NRG1: variants seen among roughly 807,000 people sequenced by gnomAD.
NRG1 encodes pro-neuregulin-1, membrane-bound isoform.
NRG1 carries 18 observed loss-of-function variants against 63.8 expected under a neutral mutation model. The observed-to-expected ratio is 0.28, with a 90% CI of 0.19 to 0.42. The LOEUF is 0.42. Among genes scored for constraint, NRG1 ranks in the 10% least tolerant of loss-of-function variants. NRG1 has a pLI of 1.00. For synonymous variants in NRG1, 302 were observed against 301.3 expected (o/e 1.00, Z -0.02); for missense variants, 762 against 814.7 (o/e 0.94, Z 0.79).
chr8:31,884,416 G>T (rs1830569371), intron 1 of NRG1, among the ~76,000 whole-genome samples: 1 of 152,090 alleles, frequency 6.6e-6, no homozygotes, highest in Non-Finnish European at 1.5e-5. Flanking sequence ...GCAGGCCTCA[G>T]AGGGGTCAAC....
chr8:32,675,138 T>TA (rs1806730940), intron 5 of NRG1, among the ~76,000 whole-genome samples: 1 of 152,166 alleles, frequency 6.6e-6, no homozygotes. Flanking sequence ...TTACTGGCCA[T>TA]AAAAAGAGCA....
intron 5 of NRG1, among the ~76,000 whole-genome samples, chr8:32,724,733 T>C (rs3757928): frequency 0.081 from 12,294 of 152,206 alleles, 1,035 homozygotes; most frequent in East Asian, 0.28. Context: ...TGGGAGCTCA[T>C]TGTTGCCTTA....
intron 1 of NRG1, among the ~76,000 whole-genome samples, chr8:32,591,853 T>G (rs2129536486): frequency 6.6e-6 from 1 of 152,208 alleles, no homozygotes; most frequent in Non-Finnish European, 1.5e-5. Flanking sequence ...TGCTTATTAC[T>G]TGGACGATGA....
rs373916461 is a variant in NRG1, at chr8:31,737,711, C to T, written c.37+98280C>T. Among the ~76,000 whole-genome samples, 30 of 152,248 alleles carry T rather than the reference C, an allele frequency of 2.0e-4. No individual in the cohort carries two copies. The East Asian group carries it at 2.1e-3, about 11-fold the overall frequency. On this transcript the variant is annotated intron_variant, in intron 1 of 10. Transcript: ENST00000519301. ...AACTTGGATGGGAGCAGGCTGTATG[C>T]TTTAGGTCAATTAGACCACCTTCTC...
rs183294600 is a variant in NRG1, at chr8:32,568,978, T to C, written c.100+20152T>C. Among the ~76,000 whole-genome samples the C allele has an allele frequency of 5.3e-3, 804 of 150,892 alleles. 1 individual carries two copies. The highest frequency in any genetic ancestry group is 0.01 in the Middle Eastern group (3 of 290). On this transcript the variant is annotated intron_variant, in intron 1 of 11. Coordinates refer to ENST00000356819, the Ensembl canonical transcript of NRG1. ...CTTGAAATGGAAAAAAAAAAAAAAG[T>C]TTTTCAGACTACCCTGTGGAAGTAG...
At chr8:32,343,228 T>A (rs1166358521) in intron 1 of NRG1, among the ~76,000 whole-genome samples, 1 of 152,206 alleles carries the variant, frequency 6.6e-6, no homozygotes, top group Non-Finnish European at 1.5e-5. Flanking sequence ...ATGTACATAA[T>A]TAATATTTGG....
chr8:32,243,374 G>A (rs1380533681), intron 1 of NRG1, among the ~76,000 whole-genome samples: 1 of 151,024 alleles, frequency 6.6e-6, no homozygotes, highest in African/African-American at 2.4e-5. Context: ...ACGTTGCAGT[G>A]AGCTGAGATC....
chr8:32,700,227 T>C (rs1814488414), intron 5 of NRG1, among the ~76,000 whole-genome samples: 1 of 152,154 alleles, frequency 6.6e-6, no homozygotes, highest in Non-Finnish European at 1.5e-5. Flanking sequence ...TATATATTGG[T>C]ATATATAATT....
chr8:32,588,275 T>A (rs1300187706), intron 1 of NRG1, among the ~76,000 whole-genome samples: 1 of 152,148 alleles, frequency 6.6e-6, no homozygotes, highest in Non-Finnish European at 1.5e-5. Context: ...AGATGGAGAA[T>A]CTGATTAATC....
intron 5 of NRG1, chr8:32,647,907 G>A: frequency 6.2e-7 from 1 of 1,614,142 alleles, no homozygotes; most frequent in Non-Finnish European, 8.5e-7. Flanking sequence ...GTGCCTAGAA[G>A]CTGAGCGCCT....
chr8:31,950,640 G>A (rs1803325325), intron 1 of NRG1, among the ~76,000 whole-genome samples: 1 of 152,190 alleles, frequency 6.6e-6, no homozygotes, highest in African/African-American at 2.4e-5. Context: ...GAGGTTTAAG[G>A]CTTTGTTTTT....
intron 1 of NRG1, among the ~76,000 whole-genome samples, chr8:32,250,634 A>T (rs1849004050): frequency 6.6e-6 from 1 of 152,146 alleles, no homozygotes; most frequent in Non-Finnish European, 1.5e-5. Flanking sequence ...CCACTGGAAA[A>T]TCTTTTAAAA....
chr8:32,206,384 A>G (rs1270083215), intron 1 of NRG1, among the ~76,000 whole-genome samples: 1 of 152,192 alleles, frequency 6.6e-6, no homozygotes, highest in African/African-American at 2.4e-5. Flanking sequence ...TGTTGGATTA[A>G]AAGGAAAGGA....
At chr8:31,755,494 C>A (rs1440245245) in intron 1 of NRG1, among the ~76,000 whole-genome samples, 1 of 152,088 alleles carries the variant, frequency 6.6e-6, no homozygotes, top group Non-Finnish European at 1.5e-5. Flanking sequence ...GTTTGAGTGA[C>A]TAGCAAGTGT....
chr8:32,312,440 G>C (rs1487485243), intron 1 of NRG1, among the ~76,000 whole-genome samples: 1 of 148,568 alleles, frequency 6.7e-6, no homozygotes, highest in Non-Finnish European at 1.5e-5. Context: ...CTCCCAAAGT[G>C]CTGGGATTAC....
chr8:32,760,842 C>G, intron 11 of NRG1: 2 of 1,005,792 alleles, frequency 2.0e-6, no homozygotes, highest in Non-Finnish European at 2.4e-6. Flanking sequence ...ATCTGCTAAC[C>G]CTGTCTTACC....
At chr8:31,862,917 T>C (rs996942340) in intron 1 of NRG1, among the ~76,000 whole-genome samples, 1 of 152,166 alleles carries the variant, frequency 6.6e-6, no homozygotes, top group African/African-American at 2.4e-5. Flanking sequence ...CCGAGCCATA[T>C]TGGTTGTAGT....
At chr8:32,362,951 G>A (rs1807421670) in intron 1 of NRG1, among the ~76,000 whole-genome samples, 1 of 152,098 alleles carries the variant, frequency 6.6e-6, no homozygotes, top group Non-Finnish European at 1.5e-5. Flanking sequence ...CAGCAGAGGG[G>A]CCCTCATTAG....
intron 1 of NRG1, among the ~76,000 whole-genome samples, chr8:32,460,264 T>C (rs1402942826): frequency 1.1e-4 from 16 of 152,216 alleles, no homozygotes; most frequent in Admixed American, 9.8e-4. Flanking sequence ...AATGACACTT[T>C]GTGGACTATA....
Sources: allele counts gnomAD v4.1 joint callset (sites outside exome capture counted in the v4.1 genomes callset), GRCh38; gene constraint gnomAD v4.1.1; transcripts MANE v1.5; gene names NCBI Gene and HGNC (gene_info 2026-07-23, HGNC 2026-07-21).